The following NMBR variants were observed in gnomAD, a reference collection of about 807,000 sequenced individuals.
NMBR encodes the protein neuromedin-B receptor.
In NMBR, 16 loss-of-function variants were observed where a neutral mutation model predicts 20.5. The observed-to-expected ratio is 0.78, with a 90% CI of 0.53 to 1.19. The LOEUF (loss-of-function observed/expected upper bound fraction) is 1.19, where lower values mean the gene tolerates loss of function less well. Ranked by LOEUF, NMBR falls within the 50% of genes most tolerant of loss-of-function variation. The probability of loss-of-function intolerance (pLI) is 0.00; values close to 1 mark genes in which losing one functional copy is unlikely to be tolerated. For missense variants in NMBR, 582 were observed against 499.1 expected, an observed-to-expected ratio of 1.17 and a Z score of -1.58; for synonymous variants, 212 against 196.6, an observed-to-expected ratio of 1.08 and a Z score of -0.65.
intron 1 of NMBR, chr6:142,133,230 T>C: frequency 1.6e-6 from 1 of 638,070 alleles, no homozygotes; most frequent in Non-Finnish European, 2.8e-6. Flanking sequence ...ATCAATTGTA[T>C]GAGTCTTTTC....
rs903820682 is a variant in NMBR at position 142,082,732 on chromosome 6, A to G, written c.423-3829T>C. Among the ~76,000 whole-genome samples, 34 of 152,240 alleles carry G rather than the reference A, an allele frequency of 2.2e-4. 1 individual carries two copies. The highest frequency in any genetic ancestry group is 8.0e-4 in the African/African-American group (33 of 41,464). On this transcript the variant is annotated intron_variant, in intron 2 of 3. Coordinates refer to ENST00000258042, the MANE Select transcript of NMBR (RefSeq NM_002511.4). ...TTCAGCAACAGAATGGATAGTATCC[A>G]GAATCCAGCAGAAATTCAGCATTTG...
At chr6:142,125,628 A>C (rs1056179823) in intron 1 of NMBR, among the ~76,000 whole-genome samples, 3 of 151,892 alleles carry the variant, frequency 2.0e-5, no homozygotes, top group African/African-American at 7.2e-5. Context: ...CTCAACATTT[A>C]TTCAAAAGAA....
At chr6:142,085,137 T>C (rs958107514) in intron 2 of NMBR, among the ~76,000 whole-genome samples, 28 of 152,192 alleles carry the variant, frequency 1.8e-4, no homozygotes, top group African/African-American at 6.8e-4. Context: ...ATGATGTGCC[T>C]CTGAGGCATG....
At chr6:142,138,705 A>C (rs1011698957) in intron 1 of NMBR, among the ~76,000 whole-genome samples, 18 of 152,164 alleles carry the variant, frequency 1.2e-4, no homozygotes, top group African/African-American at 4.3e-4. Flanking sequence ...TGCTCCCGCC[A>C]ATCTGCTGAC....
At chr6:142,102,919 G>T (rs1440737625) in intron 1 of NMBR, among the ~76,000 whole-genome samples, 1 of 152,224 alleles carries the variant, frequency 6.6e-6, no homozygotes, top group Non-Finnish European at 1.5e-5. Context: ...AAAGATAAGA[G>T]TCTCATGATA....
rs148636288 is a variant in NMBR at position 142,086,829 on chromosome 6, T to C, written c.422+1408A>G. Among the ~76,000 whole-genome samples, 15 of 152,340 alleles carry C rather than the reference T, an allele frequency of 9.8e-5. No homozygotes were observed. In the East Asian group the frequency reaches 2.9e-3, roughly 29 times the overall value. On this transcript the variant is annotated intron_variant, in intron 2 of 3. Coordinates refer to ENST00000258042, the MANE Select transcript of NMBR (RefSeq NM_002511.4). ...AATAAACTCCAACCCTGGGTCTTGC[T>C]ACCAATGCCATGTCTTTAGAATAAA...
intron 1 of NMBR, among the ~76,000 whole-genome samples, chr6:142,104,970 C>T (rs1777631973): frequency 6.6e-6 from 1 of 151,966 alleles, no homozygotes; most frequent in Admixed American, 6.6e-5. Context: ...ATTTTTGTGG[C>T]AGGGGGTGGA....
intron 1 of NMBR, among the ~76,000 whole-genome samples, chr6:142,101,757 C>T (rs894479177): frequency 3.3e-5 from 5 of 152,098 alleles, no homozygotes; most frequent in Non-Finnish European, 7.4e-5. Context: ...GTCACGTTCT[C>T]ACTTAGATGA....
chr6:142,117,472 G>C (rs1419280545), intron 1 of NMBR, among the ~76,000 whole-genome samples: 1 of 151,826 alleles, frequency 6.6e-6, no homozygotes, highest in Non-Finnish European at 1.5e-5. Context: ...TATAAATTAG[G>C]TGTTCACTAC....
In NMBR at chr6:142,140,932, A is replaced by G. The variant is rs1279147047; in HGVS notation, c.-664+6112T>C. Among the ~76,000 whole-genome samples, 3 of 152,198 alleles carry G rather than the reference A, an allele frequency of 2.0e-5. No homozygotes were observed. In the East Asian group the frequency reaches 5.8e-4, roughly 29 times the overall value. ...ACCAGTTAATAGAGATTCAGAATGC[A>G]TGAAGCAAAACCTGATAGATTGAAA... On this transcript the variant is annotated intron_variant, in intron 1 of 3. Transcript: ENST00000258042.
chr6:142,116,110 T>A (rs531591883), intron 1 of NMBR, among the ~76,000 whole-genome samples: 89 of 152,014 alleles, frequency 5.9e-4, no homozygotes, highest in South Asian at 1.7e-3. Flanking sequence ...CTCCTGCTTG[T>A]CTTCCACCAT....
intron 1 of NMBR, among the ~76,000 whole-genome samples, chr6:142,136,721 C>A (rs1778264804): frequency 6.6e-6 from 1 of 152,152 alleles, no homozygotes; most frequent in Non-Finnish European, 1.5e-5. Context: ...TATGGCTAGC[C>A]AGTTTTCCCA....
intron 1 of NMBR, among the ~76,000 whole-genome samples, chr6:142,102,672 G>C (rs934083743): frequency 6.6e-6 from 1 of 152,158 alleles, no homozygotes; most frequent in Non-Finnish European, 1.5e-5. Context: ...AACCTATAAT[G>C]TAGGTTAAGA....
intron 1 of NMBR, among the ~76,000 whole-genome samples, chr6:142,115,029 A>G (rs1407138434): frequency 6.6e-6 from 1 of 152,150 alleles, no homozygotes; most frequent in Non-Finnish European, 1.5e-5. Context: ...ATCTGCAAAG[A>G]TTGAGAGAGA....
In NMBR at chr6:142,075,445, T is replaced by G. The variant is rs1329695336; in HGVS notation, c.*203A>C. On this transcript the variant is annotated 3_prime_UTR_variant, in exon 4 of 4. Transcript: ENST00000258042. ...CATATATGTATTATATGTAGTGATT[T>G]AAAGTCTTTTCTCATATTCTAATTA... Among the ~76,000 whole-genome samples the G allele has an allele frequency of 6.6e-6, 1 of 152,118 alleles. No homozygotes were observed. The highest frequency in any genetic ancestry group is 2.4e-5 in the African/African-American group (1 of 41,432).
chr6:142,075,590 G>A lies in NMBR; in HGVS notation c.*58C>T, dbSNP rs1035805141. 2.3e-5 allele frequency: 34 copies of A among 1,483,854 alleles called. No homozygotes were observed. Among genetic ancestry groups the A allele is most frequent in the South Asian group, 8.2e-5 (6 of 73,234 alleles). The allele number at this position is 1,483,854 out of a possible 1,614,324, so 91.9% of individuals were successfully genotyped here. On this transcript the variant is annotated 3_prime_UTR_variant, in exon 4 of 4. Transcript: ENST00000258042. ...AAGCAACAGCAAGTTCTGATCTGCC[G>A]AATAGGAATTTTAACAGTTACTAAG...
intron 1 of NMBR, among the ~76,000 whole-genome samples, chr6:142,091,928 G>A (rs1356261754): frequency 6.6e-6 from 1 of 152,132 alleles, no homozygotes; most frequent in East Asian, 1.9e-4. Context: ...AAGTGAATAT[G>A]AAGAATTTGA....
At chr6:142,094,061 G>C (rs1261875456) in intron 1 of NMBR, among the ~76,000 whole-genome samples, 1 of 151,972 alleles carries the variant, frequency 6.6e-6, no homozygotes, top group East Asian at 1.9e-4. Flanking sequence ...CCCTTTGTCA[G>C]GTGAGTAGAT....
Position 142,075,872 on chromosome 6 carries a change from A to G in NMBR, c.949T>C (p.Ser317Pro). The change falls in exon 4 of 4, where the codon TCT (serine) becomes CCT (proline). Residue 317 changes from serine to proline, a missense_variant. Physicochemically the swap from Ser to Pro is moderately conservative, Grantham distance 74. Coordinates refer to ENST00000258042, the MANE Select transcript of NMBR (RefSeq NM_002511.4). ...LVARVLSFGN[S>P]CVNPFALYLL... ...TAAAGAGCAAATGGGTTGACACAAG[A>G]ATTGCCAAAACTGAGAACCCGGGCA... The G allele has an allele frequency of 6.8e-6, 11 of 1,614,052 alleles. No individual in the cohort carries two copies. The highest frequency in any genetic ancestry group is 8.5e-6 in the Non-Finnish European group (10 of 1,179,946).
Sources: gnomAD v4.1 joint callset for allele counts (sites outside exome capture counted in the v4.1 genomes callset) on GRCh38, gnomAD v4.1.1 for gene constraint, MANE v1.5 for transcripts, NCBI Gene and HGNC (gene_info 2026-07-23, HGNC 2026-07-21) for gene names.